The following PITPNM2 variants were observed in gnomAD, a reference collection of about 807,000 sequenced individuals.
PITPNM2 encodes phosphatidylinositol transfer protein membrane associated 2, also known as membrane-associated phosphatidylinositol transfer protein 2.
Under a neutral mutation model 132.2 loss-of-function variants are expected in PITPNM2, and 35 were observed. That is an observed-to-expected ratio of 0.26 (90% CI 0.20 to 0.35). PITPNM2 has a LOEUF of 0.35. Among genes scored for constraint, PITPNM2 ranks in the 10% least tolerant of loss-of-function variants. The probability of loss-of-function intolerance (pLI) is 1.00; values close to 1 mark genes in which losing one functional copy is unlikely to be tolerated. For synonymous variants in PITPNM2, 738 were observed against 799.2 expected, an observed-to-expected ratio of 0.92 and a Z score of 1.29; for missense variants, 1,332 against 1,912.0, an observed-to-expected ratio of 0.70 and a Z score of 5.66.
intron 1 of PITPNM2, among the ~76,000 whole-genome samples, chr12:123,149,400 T>G (rs542832014): frequency 5.9e-5 from 9 of 152,242 alleles, no homozygotes; most frequent in South Asian, 2.1e-4. Context: ...CTCTCTGCAG[T>G]GGGAGAGGGC....
At chr12:123,085,855 G>C (rs547602837) in intron 2 of PITPNM2, among the ~76,000 whole-genome samples, 1 of 152,322 alleles carries the variant, frequency 6.6e-6, no homozygotes, top group African/African-American at 2.4e-5. Flanking sequence ...GTCTTGTCAT[G>C]TATGAACACC....
chr12:123,044,556 C>T (rs1001626806), intron 2 of PITPNM2, among the ~76,000 whole-genome samples: 1 of 152,188 alleles, frequency 6.6e-6, no homozygotes, highest in Admixed American at 6.5e-5. Flanking sequence ...GAGATTTTCA[C>T]CTGGGTTACT....
chr12:123,069,999 C>T (rs1048487495), intron 2 of PITPNM2, among the ~76,000 whole-genome samples: 1 of 152,168 alleles, frequency 6.6e-6, no homozygotes, highest in African/African-American at 2.4e-5. Flanking sequence ...GCTCATATGA[C>T]AAGCAGGGGC....
chr12:123,042,539 T>C (rs2040524035), intron 2 of PITPNM2, among the ~76,000 whole-genome samples: 1 of 152,172 alleles, frequency 6.6e-6, no homozygotes. Context: ...GGTTACTAAG[T>C]CTGGAAGCTA....
At position 123,023,187 on chromosome 12, in the gene PITPNM2, G is replaced by T. The variant is rs2039736116; in HGVS notation, c.79-9145C>A. On this transcript the variant is annotated intron_variant, in intron 3 of 25. Coordinates refer to ENST00000320201, the MANE Select transcript of PITPNM2 (RefSeq NM_020845.3). This position sits in a 1 kb window ranked among gnomAD's most constrained non-coding sequence, Gnocchi z 4.8. ...AAGAGCCTGACCCCAGGGTAGAAAT[G>T]TGTCTCCTGGACTTGGTGTATGGCG... Among the ~76,000 whole-genome samples the T allele has an allele frequency of 6.6e-6, 1 of 152,282 alleles. No homozygotes were observed. Among genetic ancestry groups the T allele is most frequent in the Admixed American group, 6.5e-5 (1 of 15,292 alleles).
Position 122,986,021 on chromosome 12 carries a change from G to A in PITPNM2, c.*6C>T, listed in dbSNP as rs1185385821. On this transcript the variant is annotated 3_prime_UTR_variant, in exon 26 of 26. Coordinates refer to ENST00000320201, the MANE Select transcript of PITPNM2 (RefSeq NM_020845.3). ...CATGGAGACCCCGCGCTGCACTCACGGTGCCCTACTTGGGGCCCGCGGCTG... is the reference window on the plus strand; with the variant it reads ...CATGGAGACCCCGCGCTGCACTCACAGTGCCCTACTTGGGGCCCGCGGCTG... 1.4e-5 allele frequency: 19 copies of A among 1,395,798 alleles called. No homozygotes were observed. The highest frequency in any genetic ancestry group is 6.4e-5 in the South Asian group (4 of 62,552). The allele number at this position is 1,395,798 out of a possible 1,614,324, so 86.5% of individuals were successfully genotyped here.
intron 2 of PITPNM2, among the ~76,000 whole-genome samples, chr12:123,102,168 C>T (rs752526675): frequency 7.9e-5 from 12 of 152,194 alleles, no homozygotes; most frequent in Non-Finnish European, 1.8e-4. Context: ...TAGAGTGCTG[C>T]ATCCCAGAGC....
chr12:122,989,878 G>C lies in PITPNM2; in HGVS notation c.2640C>G (p.Ser880Arg). The change falls in exon 18 of 26, where the codon AGC (serine) becomes AGG (arginine). Residue 880 changes from serine (S) to arginine (R), a missense_variant. Transcript: ENST00000320201. ...GAGGGTGGGGGCCAGGGGTGGTGGG[G>C]CTGGGGGCGGGCAGGGCGAGCAGGG... ...RLSLLALPAP[S>R]PTTPGPHPPA... 7.6e-7 allele frequency: 1 copy of C among 1,323,420 alleles called. No homozygotes were observed. Among genetic ancestry groups the C allele is most frequent in the Non-Finnish European group, 9.7e-7 (1 of 1,031,598 alleles). 82.0% of individuals were successfully genotyped at this position (1,323,420 alleles called of 1,614,324 possible).
chr12:123,015,260 G>A (rs2039373921), intron 3 of PITPNM2, among the ~76,000 whole-genome samples: 1 of 152,136 alleles, frequency 6.6e-6, no homozygotes, highest in South Asian at 2.1e-4. Context: ...AACCAAGCTG[G>A]AGGACTCACA....
chr12:123,105,487 T>C (rs2042687002), intron 2 of PITPNM2: 1 of 152,220 alleles, frequency 6.6e-6, no homozygotes, highest in African/African-American at 2.4e-5. Context: ...TTCCAAGCTC[T>C]GTACACTGTC....
chr12:123,035,195 C>T (rs60809882), intron 2 of PITPNM2, among the ~76,000 whole-genome samples: 8 of 152,290 alleles, frequency 5.3e-5, no homozygotes, highest in East Asian at 3.9e-4. Flanking sequence ...AGTGATTTAA[C>T]GTTTGGTTTC....
At chr12:123,127,129 T>C (rs1024229603) in intron 1 of PITPNM2, among the ~76,000 whole-genome samples, 13 of 152,192 alleles carry the variant, frequency 8.5e-5, no homozygotes, top group Admixed American at 3.3e-4. Context: ...CTTGAAATAA[T>C]GGACTTCCAG....
At chr12:123,137,198 C>T (rs2043401048) in intron 1 of PITPNM2, among the ~76,000 whole-genome samples, 1 of 152,182 alleles carries the variant, frequency 6.6e-6, no homozygotes, top group African/African-American at 2.4e-5. Context: ...CTACAGGAGG[C>T]TATGTGTCTC....
chr12:122,999,482 C>T (rs542069948), intron 10 of PITPNM2, among the ~76,000 whole-genome samples: 6 of 152,288 alleles, frequency 3.9e-5, no homozygotes, highest in Non-Finnish European at 5.9e-5. Context: ...AAATGTCTTA[C>T]GCAGCCTTCA....
In PITPNM2 at chr12:123,009,003, C is replaced by A. The variant is rs949012436; in HGVS notation, c.643+847G>T. On this transcript the variant is annotated intron_variant, in intron 6 of 25. Coordinates refer to ENST00000320201, the MANE Select transcript of PITPNM2 (RefSeq NM_020845.3). The surrounding 1 kb of genome is among the most constrained non-coding windows in gnomAD (Gnocchi z 4.8). ...GGGATGGGAGGCAGATCTAGTTCAG[C>A]CCCAGTGTTGGGTCTCTGCTTCCTC... 6.6e-6 allele frequency among the ~76,000 whole-genome samples: 1 copy of A among 152,212 alleles called. No individual in the cohort carries two copies. Among genetic ancestry groups the A allele is most frequent in the Non-Finnish European group, 1.5e-5 (1 of 68,038 alleles).
At chr12:123,039,658 C>T (rs60341839) in intron 2 of PITPNM2, among the ~76,000 whole-genome samples, 6,506 of 152,194 alleles carry the variant, frequency 0.043, 461 homozygotes, top group African/African-American at 0.15. Flanking sequence ...TCCAAACCCA[C>T]AGAAAGTACA....
chr12:123,145,661 A>G (rs1003000553), intron 1 of PITPNM2, among the ~76,000 whole-genome samples: 4 of 152,100 alleles, frequency 2.6e-5, no homozygotes, highest in Non-Finnish European at 5.9e-5. Flanking sequence ...GTTACCGGAA[A>G]CCTGCCTGTT....
chr12:123,118,782 C>T (rs2042978466), intron 1 of PITPNM2, among the ~76,000 whole-genome samples: 1 of 152,182 alleles, frequency 6.6e-6, no homozygotes, highest in African/African-American at 2.4e-5. Flanking sequence ...AATTCTTCAT[C>T]CTCGTTAATG....
chr12:123,129,734 C>T (rs1462167868), intron 1 of PITPNM2, among the ~76,000 whole-genome samples: 1 of 151,870 alleles, frequency 6.6e-6, no homozygotes, highest in Non-Finnish European at 1.5e-5. Flanking sequence ...ATAATGAGTC[C>T]TGTGCTGGGT....
Sources: gnomAD v4.1 joint callset for allele counts (sites outside exome capture counted in the v4.1 genomes callset) on GRCh38, gnomAD v4.1.1 for gene constraint, Gnocchi (gnomAD v3.1) non-coding constraint, MANE v1.5 for transcripts, NCBI Gene and HGNC (gene_info 2026-07-23, HGNC 2026-07-21) for gene names.